MGMT: variants seen among roughly 807,000 people sequenced by gnomAD.
MGMT encodes O-6-methylguanine-DNA methyltransferase, also known as methylated-DNA--protein-cysteine methyltransferase.
A neutral mutation model predicts 15.9 loss-of-function variants in MGMT; 14 were observed. The observed-to-expected ratio is 0.88, with a 90% CI of 0.58 to 1.37. The LOEUF (loss-of-function observed/expected upper bound fraction) is 1.37, where lower values mean the gene tolerates loss of function less well. MGMT is among the 40% of genes most tolerant of loss of function. The probability of loss-of-function intolerance (pLI) is 0.00; values close to 1 mark genes in which losing one functional copy is unlikely to be tolerated. For synonymous variants in MGMT, 130 were observed against 118.2 expected, an observed-to-expected ratio of 1.10 and a Z score of -0.65; for missense variants, 282 against 268.1, an observed-to-expected ratio of 1.05 and a Z score of -0.36.
intron 2 of MGMT, among the ~76,000 whole-genome samples, chr10:129,540,310 T>G (rs1589857194): frequency 6.6e-6 from 1 of 152,368 alleles, no homozygotes; most frequent in Admixed American, 6.5e-5. Flanking sequence ...GTATAAAAAT[T>G]CATGATGTCT....
chr10:129,593,513 G>A (rs541019284), intron 2 of MGMT, among the ~76,000 whole-genome samples: 1 of 152,196 alleles, frequency 6.6e-6, no homozygotes, highest in South Asian at 2.1e-4. Context: ...TTTGAACTAC[G>A]TCAACGGAAT....
chr10:129,614,087 C>T (rs1846992944), intron 2 of MGMT, among the ~76,000 whole-genome samples: 1 of 152,206 alleles, frequency 6.6e-6, no homozygotes, highest in Non-Finnish European at 1.5e-5. Flanking sequence ...ACTCCATCCC[C>T]ATTGAGCACA....
intron 1 of MGMT, among the ~76,000 whole-genome samples, chr10:129,467,738 G>A (rs1193235626): frequency 6.6e-6 from 1 of 152,204 alleles, no homozygotes; most frequent in Non-Finnish European, 1.5e-5. Context: ...CCTGCTGGAG[G>A]CCAAGTTCTA....
At chr10:129,589,139 C>T (rs1269994091) in intron 2 of MGMT, among the ~76,000 whole-genome samples, 2 of 152,236 alleles carry the variant, frequency 1.3e-5, no homozygotes, top group African/African-American at 4.8e-5. Context: ...CCAGGGAGTA[C>T]AATCTGGCTG....
chr10:129,612,285 G>C (rs1459319659), intron 2 of MGMT, among the ~76,000 whole-genome samples: 1 of 152,190 alleles, frequency 6.6e-6, no homozygotes, highest in African/African-American at 2.4e-5. Flanking sequence ...AGAATAACTT[G>C]TAAAATGTTT....
At chr10:129,598,231 C>T (rs952948242) in intron 2 of MGMT, among the ~76,000 whole-genome samples, 1 of 152,100 alleles carries the variant, frequency 6.6e-6, no homozygotes, top group African/African-American at 2.4e-5. Flanking sequence ...TGTCATGAAT[C>T]TGTCGTGTTT....
At chr10:129,539,925 A>C (rs1157023116) in intron 2 of MGMT, among the ~76,000 whole-genome samples, 2 of 152,132 alleles carry the variant, frequency 1.3e-5, no homozygotes, top group Non-Finnish European at 2.9e-5. Flanking sequence ...TTCAGGTGTA[A>C]ATTTCTGCAA....
chr10:129,522,849 G>A (rs1323918859), intron 1 of MGMT, among the ~76,000 whole-genome samples: 1 of 152,192 alleles, frequency 6.6e-6, no homozygotes, highest in Non-Finnish European at 1.5e-5. Context: ...CCTGCTCGGG[G>A]CAGGAATTGG....
In MGMT at chr10:129,749,179, G is replaced by A. The variant is rs192915203; in HGVS notation, c.275-10023G>A. On this transcript the variant is annotated intron_variant, in intron 3 of 4. Coordinates refer to ENST00000651593, the MANE Select transcript of MGMT (RefSeq NM_002412.5). ...ATTGCTTAGATTCACTCTTTGTGCT[G>A]TAAGCTTCTATGGCCTTTGATAGAT... 3.8e-3 allele frequency among the ~76,000 whole-genome samples: 577 copies of A among 152,216 alleles called. 5 individuals are homozygous for A. Among genetic ancestry groups the A allele is most frequent in the African/African-American group, 0.013 (547 of 41,534 alleles).
intron 2 of MGMT, among the ~76,000 whole-genome samples, chr10:129,643,580 A>G (rs897517627): frequency 1.3e-5 from 2 of 152,182 alleles, no homozygotes; most frequent in Admixed American, 6.5e-5. Flanking sequence ...AAGGACCCAC[A>G]CATGCTAAGC....
intron 2 of MGMT, among the ~76,000 whole-genome samples, chr10:129,652,180 G>T (rs1010747032): frequency 9.2e-5 from 14 of 152,222 alleles, no homozygotes; most frequent in Non-Finnish European, 7.3e-5. Context: ...ACAGGTCCCT[G>T]GCTTGCCCTG....
At chr10:129,735,088 G>A (rs1848544650) in intron 3 of MGMT, among the ~76,000 whole-genome samples, 1 of 152,134 alleles carries the variant, frequency 6.6e-6, no homozygotes, top group Admixed American at 6.5e-5. Context: ...AATGAGTTAG[G>A]GAGGATTCCC....
At chr10:129,563,662 C>A (rs909425715) in intron 2 of MGMT, 2 of 152,184 alleles carry the variant, frequency 1.3e-5, no homozygotes, top group Admixed American at 6.5e-5. Flanking sequence ...AGGGACAGTG[C>A]TGGGAGAGAG....
chr10:129,520,831 C>T (rs1281805964), intron 1 of MGMT, among the ~76,000 whole-genome samples: 4 of 151,206 alleles, frequency 2.6e-5, no homozygotes, highest in Non-Finnish European at 5.9e-5. Context: ...GTACAGAACC[C>T]CTATGGTGCA....
At position 129,766,830 on chromosome 10, in the gene MGMT, G is replaced by T; in HGVS notation, c.457G>T (p.Gly153Ter). 2 of 1,613,588 alleles carry T rather than the reference G, an allele frequency of 1.2e-6. No homozygotes were observed. The highest frequency in any genetic ancestry group is 1.7e-6 in the Non-Finnish European group (2 of 1,180,034). The change falls in exon 5 of 5, where the codon GGA becomes TGA. Residue 153 changes from glycine to a stop codon, truncating the protein, a stop_gained. Coordinates refer to ENST00000651593, the MANE Select transcript of MGMT (RefSeq NM_002412.5). LOFTEE classifies it low-confidence loss of function (END_TRUNC). The part of the protein sequence containing the change: ...IPCHRVVCSS[G>*]AVGNYSGGLA... The stretch of plus-strand genomic sequence containing the variant: ...GTGCCACAGAGTGGTCTGCAGCAGC[G>T]GAGCCGTGGGCAACTACTCCGGAGG...
intron 3 of MGMT, among the ~76,000 whole-genome samples, chr10:129,732,547 G>T (rs1490708081): frequency 6.7e-6 from 1 of 148,280 alleles, no homozygotes; most frequent in Admixed American, 6.7e-5. Context: ...CTTTTTTTTT[G>T]GCATTTTTTT....
At chr10:129,602,052 C>T (rs1846829605) in intron 2 of MGMT, among the ~76,000 whole-genome samples, 1 of 152,154 alleles carries the variant, frequency 6.6e-6, no homozygotes. Flanking sequence ...TAAATCTCAG[C>T]TTTCCCCAAG....
chr10:129,592,136 C>T (rs562736121), intron 2 of MGMT, among the ~76,000 whole-genome samples: 4 of 152,226 alleles, frequency 2.6e-5, no homozygotes, highest in African/African-American at 9.6e-5. Flanking sequence ...GGAGTGGCCA[C>T]TTTTTTCCTG....
chr10:129,755,014 G>A (rs1035659196), intron 3 of MGMT, among the ~76,000 whole-genome samples: 1 of 152,234 alleles, frequency 6.6e-6, no homozygotes, highest in Admixed American at 6.5e-5. Context: ...GGACAACAGA[G>A]GGATAACCCA....
Sources: allele counts gnomAD v4.1 joint callset (sites outside exome capture counted in the v4.1 genomes callset), GRCh38; gene constraint gnomAD v4.1.1; transcripts MANE v1.5; gene names NCBI Gene and HGNC (gene_info 2026-07-23, HGNC 2026-07-21).